ACER3: variants seen among roughly 807,000 people sequenced by gnomAD.
ACER3 encodes alkaline ceramidase 3.
ACER3 carries 16 observed loss-of-function variants against 48.9 expected under a neutral mutation model. The ratio of observed to expected loss-of-function variants is 0.33; its 90% confidence interval spans 0.22 to 0.50. ACER3 has a LOEUF of 0.50. Ranked by LOEUF, ACER3 falls within the 20% of genes least tolerant of loss-of-function variation. The pLI, the probability that ACER3 is intolerant of heterozygous loss-of-function variation, is 0.98. For synonymous variants in ACER3, 109 were observed against 107.8 expected, an observed-to-expected ratio of 1.01 and a Z score of -0.07; for missense variants, 227 against 326.0, an observed-to-expected ratio of 0.70 and a Z score of 2.34.
chr11:76,984,412 A>G (rs1948646170), intron 4 of ACER3, among the ~76,000 whole-genome samples: 1 of 152,228 alleles, frequency 6.6e-6, no homozygotes, highest in Non-Finnish European at 1.5e-5. Context: ...CAAAATTTAA[A>G]GGTAAAAGAG....
Position 76,926,655 on chromosome 11 carries a change from T to C in ACER3, c.202T>C (p.Leu68=), listed in dbSNP as rs772596848. The C allele has an allele frequency of 1.3e-5, 20 of 1,583,664 alleles. No homozygotes were observed. In the South Asian group the frequency reaches 2.1e-4, roughly 17 times the overall value. Residue 68 remains leucine (L), a synonymous_variant, in exon 2 of 11, where the codon TTA becomes CTA. Coordinates refer to ENST00000532485, the MANE Select transcript of ACER3 (RefSeq NM_018367.7). ...GGAAAAGCGGTACATTGCTTCTTATTTAGCACTCACAGGTATGTATAACAC... is the reference window on the plus strand; with the variant it reads ...GGAAAAGCGGTACATTGCTTCTTATCTAGCACTCACAGGTATGTATAACAC... The part of the protein sequence containing the change: ...GLEKRYIASY[L]ALTVVGMGSW...
At chr11:76,880,162 A>G (rs1336159319) in intron 1 of ACER3, among the ~76,000 whole-genome samples, 1 of 151,940 alleles carries the variant, frequency 6.6e-6, no homozygotes, top group Non-Finnish European at 1.5e-5. Context: ...CTCTATTCTT[A>G]TTCTATTGTT....
At chr11:76,978,995 C>T (rs1385553805) in intron 4 of ACER3, among the ~76,000 whole-genome samples, 1 of 152,232 alleles carries the variant, frequency 6.6e-6, no homozygotes, top group Non-Finnish European at 1.5e-5. Flanking sequence ...TTAAACACTT[C>T]TCACTGCTCC....
At chr11:76,956,765 G>A (rs924157166) in intron 2 of ACER3, among the ~76,000 whole-genome samples, 1 of 138,260 alleles carries the variant, frequency 7.2e-6, no homozygotes, top group African/African-American at 2.7e-5. Flanking sequence ...CCTTTACATT[G>A]AATAATTTAT....
In ACER3 at chr11:76,971,076, G is replaced by C. The variant is rs148485580; in HGVS notation, c.268-5213G>C. On this transcript the variant is annotated intron_variant, in intron 3 of 10. Transcript: ENST00000532485. Reference sequence around the variant, plus strand: ...TTTTTTACCTGAATAATATTCCATTGTATGGATATGCCATATTCTTTTATC... The same window carrying C: ...TTTTTTACCTGAATAATATTCCATTCTATGGATATGCCATATTCTTTTATC... Among the ~76,000 whole-genome samples, 281 of 152,246 alleles carry C rather than the reference G, an allele frequency of 1.8e-3. 3 individuals carry two copies. Among genetic ancestry groups the C allele is most frequent in the Non-Finnish European group, 3.7e-4 (25 of 68,008 alleles).
chr11:76,971,426 G>A (rs1948299413), intron 3 of ACER3, among the ~76,000 whole-genome samples: 3 of 151,980 alleles, frequency 2.0e-5, no homozygotes. Flanking sequence ...CACAGTCCCA[G>A]CTACTCGGGA....
intron 4 of ACER3, among the ~76,000 whole-genome samples, chr11:76,984,887 G>C (rs979888791): frequency 1.2e-4 from 19 of 152,242 alleles, no homozygotes; most frequent in Admixed American, 8.5e-4. Flanking sequence ...TTTATTGTAA[G>C]GATGTGAGGA....
At position 77,026,004 on chromosome 11, in the gene ACER3, C is replaced by T. The variant is rs1485104816; in HGVS notation, c.*5677C>T. The T allele has an allele frequency of 2.6e-5, 4 of 152,164 alleles. No individual in the cohort carries two copies. Among genetic ancestry groups the T allele is most frequent in the Admixed American group, 2.0e-4 (3 of 15,264 alleles). 9.4% of individuals were successfully genotyped at this position (152,164 alleles called of 1,614,324 possible). Reference sequence around the variant, plus strand: ...TTTACATGACCTAATTATTTTTTCACGTCAGTTTTTCTAGATTGGCAATAG... The same window carrying T: ...TTTACATGACCTAATTATTTTTTCATGTCAGTTTTTCTAGATTGGCAATAG... On this transcript the variant is annotated 3_prime_UTR_variant, in exon 11 of 11. Coordinates refer to ENST00000532485, the MANE Select transcript of ACER3 (RefSeq NM_018367.7).
At chr11:76,889,834 G>C (rs1945762430) in intron 1 of ACER3, among the ~76,000 whole-genome samples, 1 of 150,772 alleles carries the variant, frequency 6.6e-6, no homozygotes, top group African/African-American at 2.4e-5. Flanking sequence ...TTCATTTCTA[G>C]GGGTATTGTT....
chr11:76,910,924 T>C (rs1469123571), intron 1 of ACER3, among the ~76,000 whole-genome samples: 2 of 152,200 alleles, frequency 1.3e-5, no homozygotes. Flanking sequence ...TCAAAGATTA[T>C]TAAGTTACAT....
chr11:76,976,491 T>A (rs973675752), intron 4 of ACER3, 150 bp downstream of exon 4: 15 of 527,786 alleles, frequency 2.8e-5, no homozygotes, highest in African/African-American at 4.0e-5. Context: ...AGAGTATAAT[T>A]TCTGGGAAGT....
chr11:76,879,466 G>T (rs908394051), intron 1 of ACER3, among the ~76,000 whole-genome samples: 8 of 152,092 alleles, frequency 5.3e-5, no homozygotes, highest in African/African-American at 1.9e-4. Context: ...GACCTCCAGG[G>T]CAATGTTGAG....
intron 7 of ACER3, chr11:77,011,387 T>C (rs1338270851): frequency 1.0e-6 from 1 of 985,398 alleles, no homozygotes; most frequent in Admixed American, 6.1e-5. Context: ...TAAGTAAGTT[T>C]AGAAGCAGAA....
At chr11:76,919,654 A>G (rs1946636235) in intron 1 of ACER3, among the ~76,000 whole-genome samples, 1 of 152,164 alleles carries the variant, frequency 6.6e-6, no homozygotes, top group Non-Finnish European at 1.5e-5. Flanking sequence ...AAATTTTTTA[A>G]TTGAATTTTC....
intron 2 of ACER3, among the ~76,000 whole-genome samples, chr11:76,939,592 T>C (rs1488970381): frequency 6.6e-6 from 1 of 152,096 alleles, no homozygotes; most frequent in Non-Finnish European, 1.5e-5. Flanking sequence ...TGAGATGCTA[T>C]CTCTAAAAAC....
At chr11:76,924,973 C>CAAAAAAAAAAAAAAAAA in intron 1 of ACER3, among the ~76,000 whole-genome samples, 1 of 78,566 alleles carries the variant, frequency 1.3e-5, no homozygotes, top group Non-Finnish European at 2.7e-5. Context: ...AAGACTCTGT[C>CAAAAAAAAAAAAAAAAA]AAAAAAAAAA....
chr11:76,877,301 T>C (rs894910699), intron 1 of ACER3, among the ~76,000 whole-genome samples: 13 of 152,142 alleles, frequency 8.5e-5, no homozygotes, highest in African/African-American at 3.1e-4. Flanking sequence ...AGCATGCAGC[T>C]TTTAACAGCA....
At chr11:76,876,581 A>G (rs1318815241) in intron 1 of ACER3, among the ~76,000 whole-genome samples, 1 of 152,204 alleles carries the variant, frequency 6.6e-6, no homozygotes, top group Non-Finnish European at 1.5e-5. Flanking sequence ...TAGGATTGGA[A>G]TAATTGGGTC....
intron 2 of ACER3, among the ~76,000 whole-genome samples, chr11:76,941,493 A>G (rs1455710984): frequency 6.7e-6 from 1 of 150,028 alleles, no homozygotes; most frequent in Non-Finnish European, 1.5e-5. Context: ...ATTTTTATTT[A>G]TTATTATTTT....
Sources: allele counts gnomAD v4.1 joint callset (sites outside exome capture counted in the v4.1 genomes callset), GRCh38; gene constraint gnomAD v4.1.1; transcripts MANE v1.5; gene names NCBI Gene and HGNC (gene_info 2026-07-23, HGNC 2026-07-21).